SEMA6D: variants seen among roughly 807,000 people sequenced by gnomAD.
SEMA6D encodes semaphorin 6D.
A neutral mutation model predicts 106.6 loss-of-function variants in SEMA6D; 35 were observed. The observed-to-expected ratio is 0.33, with a 90% CI of 0.25 to 0.44. The LOEUF (loss-of-function observed/expected upper bound fraction) is 0.44. SEMA6D is among the 20% of genes least tolerant of loss of function. SEMA6D has a pLI of 1.00. For missense variants in SEMA6D, 1,185 were observed against 1,345.9 expected, an observed-to-expected ratio of 0.88 and a Z score of 1.87; for synonymous variants, 499 against 487.7, an observed-to-expected ratio of 1.02 and a Z score of -0.31.
intron 3 of SEMA6D, among the ~76,000 whole-genome samples, chr15:47,591,347 A>G (rs575604502): frequency 6.6e-6 from 1 of 152,128 alleles, no homozygotes; most frequent in Non-Finnish European, 1.5e-5. Context: ...AGGAACACAA[A>G]CATGCAACCC....
chr15:47,246,876 G>A (rs1386558052), intron 1 of SEMA6D, among the ~76,000 whole-genome samples: 4 of 152,140 alleles, frequency 2.6e-5, no homozygotes, highest in Non-Finnish European at 5.9e-5. Context: ...TCCTCGTGAG[G>A]CACATAGCAG....
At chr15:47,413,458 T>C (rs1468109390) in intron 2 of SEMA6D, among the ~76,000 whole-genome samples, 3 of 152,112 alleles carry the variant, frequency 2.0e-5, no homozygotes, top group Admixed American at 1.3e-4. Flanking sequence ...CTCTGAGAGC[T>C]ACCATTTTAA....
intron 4 of SEMA6D, among the ~76,000 whole-genome samples, chr15:47,633,094 T>C (rs1400683747): frequency 6.6e-6 from 1 of 152,074 alleles, no homozygotes; most frequent in African/African-American, 2.4e-5. Context: ...TCTCTACACA[T>C]ATGGAGCACC....
intron 1 of SEMA6D, among the ~76,000 whole-genome samples, chr15:47,752,777 G>A (rs1206596601): frequency 6.6e-6 from 1 of 152,154 alleles, no homozygotes; most frequent in Admixed American, 6.5e-5. Flanking sequence ...GGGAGGCCGA[G>A]GTGGACAGAT....
chr15:47,209,206 GATA>G (rs1241256483), intron 1 of SEMA6D, among the ~76,000 whole-genome samples: 1 of 152,130 alleles, frequency 6.6e-6, no homozygotes, highest in African/African-American at 2.4e-5. Context: ...ATATTTCCAT[GATA>G]ATAAAAGATT....
At chr15:47,211,984 T>C (rs187405055) in intron 1 of SEMA6D, among the ~76,000 whole-genome samples, 9 of 152,206 alleles carry the variant, frequency 5.9e-5, no homozygotes, top group African/African-American at 2.2e-4. Flanking sequence ...TCTGCCCTTA[T>C]GAATGATAAT....
chr15:47,222,736 C>T (rs1340277355), intron 1 of SEMA6D, among the ~76,000 whole-genome samples: 1 of 152,250 alleles, frequency 6.6e-6, no homozygotes, highest in East Asian at 1.9e-4. Flanking sequence ...ACTAATTAAC[C>T]ATGCAGAACT....
At chr15:47,715,224 C>T (rs924105795), upstream of SEMA6D, among the ~76,000 whole-genome samples, 1 of 152,004 alleles carries the variant, frequency 6.6e-6, no homozygotes, top group African/African-American at 2.4e-5. Context: ...CTGGGTAATG[C>T]TAGCATCTAA....
chr15:47,188,436 A>G (rs937729976), intron 1 of SEMA6D, among the ~76,000 whole-genome samples: 2 of 152,220 alleles, frequency 1.3e-5, no homozygotes, highest in East Asian at 3.8e-4. Flanking sequence ...ATGAGGAGAT[A>G]TAAGACAATG....
At chr15:47,302,057 A>G (rs2036045241) in intron 1 of SEMA6D, among the ~76,000 whole-genome samples, 1 of 152,090 alleles carries the variant, frequency 6.6e-6, no homozygotes, top group Non-Finnish European at 1.5e-5. Context: ...CACCAGCCCC[A>G]TGTTAGCCCC....
intron 3 of SEMA6D, among the ~76,000 whole-genome samples, chr15:47,490,331 T>A (rs2043433756): frequency 6.6e-6 from 1 of 152,174 alleles, no homozygotes; most frequent in East Asian, 1.9e-4. Flanking sequence ...GTTAAAAACT[T>A]TTATTCCCTA....
At chr15:47,623,398 A>G (rs1301490618) in intron 4 of SEMA6D, among the ~76,000 whole-genome samples, 1 of 152,230 alleles carries the variant, frequency 6.6e-6, no homozygotes, top group Non-Finnish European at 1.5e-5. Flanking sequence ...CCTCTTTTAT[A>G]TAGGTAAAAT....
intron 3 of SEMA6D, among the ~76,000 whole-genome samples, chr15:47,514,717 C>T (rs376708957): frequency 5.9e-5 from 9 of 152,164 alleles, no homozygotes; most frequent in African/African-American, 2.2e-4. Context: ...CACTGGTCTA[C>T]CAATTTATCT....
chr15:47,278,927 T>TA (rs2142445430), intron 1 of SEMA6D, among the ~76,000 whole-genome samples: 1 of 146,450 alleles, frequency 6.8e-6, no homozygotes, highest in Non-Finnish European at 1.5e-5. Context: ...TAGTTGTAGA[T>TA]ATGCGGCGTT....
chr15:47,695,057 G>A (rs371104065), intron 4 of SEMA6D, among the ~76,000 whole-genome samples: 1 of 151,336 alleles, frequency 6.6e-6, no homozygotes, highest in East Asian at 1.9e-4. Flanking sequence ...ATGCCCCCAG[G>A]GCTTAAGACC....
intron 1 of SEMA6D, among the ~76,000 whole-genome samples, chr15:47,205,448 T>C (rs1249503303): frequency 6.6e-6 from 1 of 152,166 alleles, no homozygotes; most frequent in East Asian, 1.9e-4. Context: ...TGAGAGTCAG[T>C]TAAATAAGTA....
intron 4 of SEMA6D, among the ~76,000 whole-genome samples, chr15:47,666,845 A>G (rs2078035586): frequency 6.6e-6 from 1 of 152,146 alleles, no homozygotes; most frequent in Admixed American, 6.5e-5. Context: ...TTATCATCCC[A>G]TGGCCTTCAC....
chr15:47,292,673 A>G (rs2035639136), intron 1 of SEMA6D, among the ~76,000 whole-genome samples: 1 of 152,194 alleles, frequency 6.6e-6, no homozygotes, highest in Non-Finnish European at 1.5e-5. Flanking sequence ...AAACGTGATA[A>G]GGGCAAACGT....
At chr15:47,304,113 G>A (rs1033151823) in intron 1 of SEMA6D, among the ~76,000 whole-genome samples, 1 of 152,044 alleles carries the variant, frequency 6.6e-6, no homozygotes, top group Non-Finnish European at 1.5e-5. Context: ...CTCCAGAAAG[G>A]GGTTGTCATG....
Sources: allele counts gnomAD v4.1 joint callset (sites outside exome capture counted in the v4.1 genomes callset), GRCh38; gene constraint gnomAD v4.1.1; transcripts MANE v1.5; gene names NCBI Gene and HGNC (gene_info 2026-07-23, HGNC 2026-07-21).